The following MAGI3 variants were observed in gnomAD, a reference collection of about 807,000 sequenced individuals.
MAGI3 encodes membrane-associated guanylate kinase, WW and PDZ domain-containing protein 3.
Under a neutral mutation model 121.8 loss-of-function variants are expected in MAGI3, and 43 were observed. That is an observed-to-expected ratio of 0.35 (90% CI 0.28 to 0.46). MAGI3 has a LOEUF of 0.46. MAGI3 is among the 20% of genes least tolerant of loss of function. MAGI3 has a pLI of 1.00. For missense variants in MAGI3, 1,547 were observed against 1,797.3 expected (o/e 0.86, Z 2.52); for synonymous variants, 553 against 639.3 (o/e 0.86, Z 2.04).
At chr1:113,623,680 G>A (rs542711640) in intron 9 of MAGI3, among the ~76,000 whole-genome samples, 1 of 152,098 alleles carries the variant, frequency 6.6e-6, no homozygotes, top group East Asian at 1.9e-4. Flanking sequence ...GTAGAGACGA[G>A]GTTTCACCAT....
rs561865581 is a variant in MAGI3 at position 113,520,185 on chromosome 1, T to A, written c.317-29330T>A. On this transcript the variant is annotated intron_variant, in intron 1 of 20. Transcript: ENST00000307546. The stretch of plus-strand genomic sequence containing the variant: ...TTGGAACAGATGCTATTTTTTTTTT[T>A]AAATAGAAATAAAAAACTGCATGTT... Among the ~76,000 whole-genome samples the A allele has an allele frequency of 1.2e-4, 18 of 151,872 alleles. No individual in the cohort carries two copies. The South Asian group carries it at 2.1e-3, about 17-fold the overall frequency.
At chr1:113,473,655 C>G (rs1655658030) in intron 1 of MAGI3, among the ~76,000 whole-genome samples, 1 of 152,144 alleles carries the variant, frequency 6.6e-6, no homozygotes, top group South Asian at 2.1e-4. Flanking sequence ...TTTTCTTGAT[C>G]CAGTCTATCA....
At chr1:113,513,912 G>T in intron 1 of MAGI3, among the ~76,000 whole-genome samples, 1 of 151,970 alleles carries the variant, frequency 6.6e-6, no homozygotes, top group Non-Finnish European at 1.5e-5. Flanking sequence ...AATCTACAAT[G>T]AACTCAAACA....
rs1491320443 is a variant in MAGI3, at chr1:113,556,729, A to AT, written c.433+7107dup. Among the ~76,000 whole-genome samples the AT allele has an allele frequency of 4.0e-5, 6 of 150,992 alleles. No individual in the cohort carries two copies. In the South Asian group the frequency reaches 6.3e-4, roughly 16 times the overall value. On this transcript the variant is annotated intron_variant, in intron 2 of 20. Transcript: ENST00000307546. The stretch of plus-strand genomic sequence containing the variant: ...AGATGTGTGCCACCATGCCCAGCTA[A>AT]TTTTTTTTTAATTCTTATTAGAGAC...
At chr1:113,594,742 G>A (rs1057350705) in intron 6 of MAGI3, among the ~76,000 whole-genome samples, 182 bp downstream of exon 6, 3 of 152,148 alleles carry the variant, frequency 2.0e-5, no homozygotes, top group African/African-American at 7.2e-5. Context: ...AACTTTATGA[G>A]AGATTTCATT....
chr1:113,638,034 C>T (rs1429762443), intron 9 of MAGI3, among the ~76,000 whole-genome samples: 2 of 152,226 alleles, frequency 1.3e-5, no homozygotes, highest in African/African-American at 2.4e-5. Flanking sequence ...GCTCCTGAGG[C>T]TTCTGCATTC....
At chr1:113,544,965 T>C (rs529067602) in intron 1 of MAGI3, among the ~76,000 whole-genome samples, 38 of 151,638 alleles carry the variant, frequency 2.5e-4, no homozygotes, top group African/African-American at 8.2e-4. Context: ...TGAATTTAAA[T>C]TTTCAATACT....
chr1:113,604,547 CAG>C (rs548201502), intron 6 of MAGI3, among the ~76,000 whole-genome samples: 185 of 105,214 alleles, frequency 1.8e-3, no homozygotes, highest in African/African-American at 6.8e-3. Flanking sequence ...AGCCTGGCGA[CAG>C]AGTGAGTCTC....
At chr1:113,524,479 A>G (rs936325416) in intron 1 of MAGI3, among the ~76,000 whole-genome samples, 1 of 152,142 alleles carries the variant, frequency 6.6e-6, no homozygotes, top group African/African-American at 2.4e-5. Flanking sequence ...TGGCATCAGC[A>G]TGACCTGGAT....
chr1:113,609,972 A>G (rs947934626), intron 6 of MAGI3, among the ~76,000 whole-genome samples: 1 of 152,104 alleles, frequency 6.6e-6, no homozygotes, highest in Non-Finnish European at 1.5e-5. Context: ...TAAGTCATCT[A>G]TTCTTAAGGA....
intron 20 of MAGI3, 44 bp downstream of exon 20, chr1:113,681,380 G>A: frequency 2.5e-6 from 4 of 1,587,824 alleles, no homozygotes; most frequent in Non-Finnish European, 3.4e-6. Context: ...TGTATATTAG[G>A]GAGGGGACAG....
intron 9 of MAGI3, among the ~76,000 whole-genome samples, chr1:113,636,105 G>T (rs1318699401): frequency 6.6e-6 from 1 of 152,014 alleles, no homozygotes; most frequent in African/African-American, 2.4e-5. Flanking sequence ...GCATCTATTT[G>T]ATTCTTCTCT....
intron 1 of MAGI3, among the ~76,000 whole-genome samples, chr1:113,420,474 T>C (rs1283161263): frequency 6.6e-6 from 1 of 152,200 alleles, no homozygotes; most frequent in Non-Finnish European, 1.5e-5. Flanking sequence ...CTACTTTTGT[T>C]TGATGAAGTT....
chr1:113,678,638 A>G (rs1345573671), intron 19 of MAGI3, among the ~76,000 whole-genome samples: 1 of 152,346 alleles, frequency 6.6e-6, no homozygotes, highest in African/African-American at 2.4e-5. Flanking sequence ...TCGTAATGAT[A>G]CACTTTAAAA....
rs1363522343 is a variant in MAGI3, at chr1:113,505,555, T to TAA, written c.317-43959_317-43958insAA. Among the ~76,000 whole-genome samples, 1,214 of 142,994 alleles carry TAA rather than the reference T, an allele frequency of 8.5e-3. 12 individuals carry two copies. Among genetic ancestry groups the TAA allele is most frequent in the African/African-American group, 0.026 (912 of 35,094 alleles). The allele number at this position is 142,994 out of a possible 152,430, so 93.8% of individuals were successfully genotyped here. ...ATAAATAAATAAATAAATAAATAAA[T>TAA]ATATAATGTCAGATCACATAAAAGC... On this transcript the variant is annotated intron_variant, in intron 1 of 20. Coordinates refer to ENST00000307546, the MANE Select transcript of MAGI3 (RefSeq NM_001142782.2).
intron 1 of MAGI3, among the ~76,000 whole-genome samples, chr1:113,392,366 A>G (rs1189915330): frequency 1.3e-5 from 2 of 152,206 alleles, no homozygotes; most frequent in Non-Finnish European, 2.9e-5. Flanking sequence ...TCAAAATATA[A>G]TGGGCTGGTT....
At chr1:113,430,246 T>C (rs1653234563) in intron 1 of MAGI3, among the ~76,000 whole-genome samples, 1 of 152,168 alleles carries the variant, frequency 6.6e-6, no homozygotes, top group Non-Finnish European at 1.5e-5. Context: ...TTTTGGAAAT[T>C]ACATACAGCT....
At position 113,642,285 on chromosome 1, in the gene MAGI3, A is replaced by G. The variant is rs1652588890; in HGVS notation, c.1735A>G (p.Ile579Val). 4 of 1,614,076 alleles carry G rather than the reference A, an allele frequency of 2.5e-6. No individual in the cohort carries two copies. Among genetic ancestry groups the G allele is most frequent in the Non-Finnish European group, 3.4e-6 (4 of 1,180,046 alleles). Residue 579 changes from isoleucine (I) to valine (V), a missense_variant, in exon 10 of 21, where the codon ATC becomes GTC. Physicochemically the swap from Ile to Val is conservative, Grantham distance 29. Coordinates refer to ENST00000307546, the MANE Select transcript of MAGI3 (RefSeq NM_001142782.2). ...CAGCTCCCAGCCTGAACTAGTGACT[A>G]TCCCTTTGATTAAGGGCCCTAAAGG... The part of the protein sequence containing the change: ...SGSSQPELVT[I>V]PLIKGPKGFG...
At chr1:113,407,033 A>T (rs971134942) in intron 1 of MAGI3, among the ~76,000 whole-genome samples, 12 of 152,176 alleles carry the variant, frequency 7.9e-5, no homozygotes, top group African/African-American at 2.9e-4. Context: ...CACCAACTAA[A>T]TGAGGGGTGA....
Sources: allele counts gnomAD v4.1 joint callset (sites outside exome capture counted in the v4.1 genomes callset), GRCh38; gene constraint gnomAD v4.1.1; transcripts MANE v1.5; gene names NCBI Gene and HGNC (gene_info 2026-07-23, HGNC 2026-07-21).